Variants in DMD observed in about 807,000 individuals in gnomAD.
DMD encodes the protein dystrophin.
DMD carries 63 observed loss-of-function variants against 330.1 expected under a neutral mutation model. That is an observed-to-expected ratio of 0.19 (90% CI 0.16 to 0.24). The LOEUF is 0.24. Ranked by LOEUF, DMD falls within the 10% of genes least tolerant of loss-of-function variation. The pLI, the probability that DMD is intolerant of heterozygous loss-of-function variation, is 1.00. For synonymous variants in DMD, 1,223 were observed against 959.8 expected, an observed-to-expected ratio of 1.27 and a Z score of -5.07; for missense variants, 3,344 against 2,684.1, an observed-to-expected ratio of 1.25 and a Z score of -5.43.
chrX:31,194,394 G>A (rs867462798), intron 67 of DMD, among the ~76,000 whole-genome samples: 3 of 112,143 alleles, frequency 2.7e-5, no homozygotes, highest in African/African-American at 9.7e-5. Flanking sequence ...TGTGTGTAAC[G>A]ATAGCATTGC....
intron 7 of DMD, among the ~76,000 whole-genome samples, chrX:32,718,909 G>A (rs1569485048): frequency 8.9e-6 from 1 of 112,088 alleles, no homozygotes; most frequent in Non-Finnish European, 1.9e-5. Flanking sequence ...TGACTCAAGT[G>A]TAAATAGTTA....
intron 7 of DMD, among the ~76,000 whole-genome samples, chrX:32,783,629 A>G (rs997080400): frequency 9.0e-6 from 1 of 110,509 alleles, no homozygotes; most frequent in Non-Finnish European, 1.9e-5. Context: ...TTAAACACAA[A>G]GAATAAAATG....
At chrX:31,481,886 T>C (rs112017989) in intron 57 of DMD, among the ~76,000 whole-genome samples, 3,798 of 111,173 alleles carry the variant, frequency 0.034, 126 homozygotes, top group African/African-American at 0.089. Context: ...GGCTAGCTGG[T>C]TTCTGCAGAA....
intron 44 of DMD, among the ~76,000 whole-genome samples, chrX:32,130,937 C>A (rs764705622): frequency 4.5e-5 from 5 of 112,025 alleles, no homozygotes; most frequent in Admixed American, 9.4e-5. Flanking sequence ...GTAATCCCAG[C>A]ACTTTGGGAG....
chrX:32,794,729 C>G (rs1030535512), intron 7 of DMD, among the ~76,000 whole-genome samples: 4 of 112,303 alleles, frequency 3.6e-5, no homozygotes, highest in Non-Finnish European at 5.6e-5. Flanking sequence ...AAATCGTTGT[C>G]CAAGTACTGC....
At chrX:33,209,162 T>C (rs756674464) in intron 1 of DMD, among the ~76,000 whole-genome samples, 46 of 111,448 alleles carry the variant, frequency 4.1e-4, no homozygotes, top group Non-Finnish European at 7.6e-4. Context: ...CATAGAACAC[T>C]TTGTAGTCTT....
At chrX:31,927,863 A>T (rs1258964606) in intron 47 of DMD, among the ~76,000 whole-genome samples, 1 of 112,016 alleles carries the variant, frequency 8.9e-6, no homozygotes, top group Non-Finnish European at 1.9e-5. Flanking sequence ...TATCGTAAAG[A>T]TGTTGACTGA....
At chrX:32,887,201 G>C (rs993925201) in intron 2 of DMD, among the ~76,000 whole-genome samples, 1 of 108,567 alleles carries the variant, frequency 9.2e-6, no homozygotes, top group Non-Finnish European at 1.9e-5. Flanking sequence ...CAAAAAATTA[G>C]CCGGGCGTGC....
chrX:32,743,791 A>G (rs1925279299), intron 7 of DMD, among the ~76,000 whole-genome samples: 1 of 111,587 alleles, frequency 9.0e-6, no homozygotes, highest in African/African-American at 3.3e-5. Context: ...ATAAACTGCC[A>G]TAGCACCCAT....
chrX:31,977,917 A>G (rs899492510), intron 44 of DMD, among the ~76,000 whole-genome samples: 5 of 111,618 alleles, frequency 4.5e-5, no homozygotes, highest in African/African-American at 1.6e-4. Context: ...AAAGCAGACA[A>G]ATGACATAAG....
chrX:32,116,295 A>T (rs1288429572), intron 44 of DMD, among the ~76,000 whole-genome samples: 1 of 112,010 alleles, frequency 8.9e-6, no homozygotes, highest in Non-Finnish European at 1.9e-5. Context: ...CAATCTAAAC[A>T]AGTCCACCTT....
At chrX:33,010,219 CAT>C (rs1157534444) in intron 2 of DMD, among the ~76,000 whole-genome samples, 2 of 92,179 alleles carry the variant, frequency 2.2e-5, no homozygotes, top group Non-Finnish European at 4.1e-5. Flanking sequence ...TGTATATGTA[CAT>C]ATGTGTGTAT....
intron 55 of DMD, among the ~76,000 whole-genome samples, chrX:31,522,943 T>A (rs2147371956): frequency 9.0e-6 from 1 of 111,656 alleles, no homozygotes; most frequent in Non-Finnish European, 1.9e-5. Flanking sequence ...TCTGTGTTCT[T>A]TGTGTCATTC....
chrX:31,573,798 T>C (rs1381075094), intron 55 of DMD, among the ~76,000 whole-genome samples: 1 of 111,379 alleles, frequency 9.0e-6, no homozygotes, highest in Admixed American at 9.5e-5. Flanking sequence ...TAACCTATTT[T>C]GACTATGAGA....
At chrX:33,323,581 C>G (rs1252000074) in intron 1 of DMD, among the ~76,000 whole-genome samples, 1 of 111,445 alleles carries the variant, frequency 9.0e-6, no homozygotes, top group Non-Finnish European at 1.9e-5. Context: ...CTTTTCTTTG[C>G]TGGGCTTTCA....
intron 18 of DMD, among the ~76,000 whole-genome samples, chrX:32,504,439 C>A (rs1321027894): frequency 1.4e-4 from 16 of 110,462 alleles, no homozygotes; most frequent in Non-Finnish European, 2.8e-4. Context: ...GCCTGGCCAA[C>A]ATGGTGAAAC....
At chrX:31,388,895 C>T (rs1222120289) in intron 60 of DMD, among the ~76,000 whole-genome samples, 2 of 112,161 alleles carry the variant, frequency 1.8e-5, no homozygotes, top group African/African-American at 6.5e-5. Context: ...GAGTGAGACT[C>T]CGTCTCAAAA....
In DMD at chrX:32,705,612, G is replaced by C. The variant is rs144521085; in HGVS notation, c.650-6319C>G. The stretch of plus-strand genomic sequence containing the variant: ...GTGCATCGCCTGAGGTTAGGAATTT[G>C]ACACCAGCCTGGCCAACACGGTGAA... On this transcript the variant is annotated intron_variant, in intron 7 of 78. Coordinates refer to ENST00000357033, the MANE Select transcript of DMD (RefSeq NM_004006.3). Among the ~76,000 whole-genome samples the C allele has an allele frequency of 3.5e-3, 388 of 111,325 alleles. 3 individuals carry two copies. The highest frequency in any genetic ancestry group is 0.012 in the African/African-American group (358 of 30,632).
intron 20 of DMD, among the ~76,000 whole-genome samples, 180 bp from the exon 21 acceptor site, chrX:32,485,279 C>A (rs944840481): frequency 4.5e-5 from 5 of 111,440 alleles, no homozygotes; most frequent in Admixed American, 2.9e-4. Flanking sequence ...TTTAAGGATA[C>A]CTTGGCTCTT....
Sources: allele counts gnomAD v4.1 joint callset (sites outside exome capture counted in the v4.1 genomes callset), GRCh38; gene constraint gnomAD v4.1.1; transcripts MANE v1.5; gene names NCBI Gene and HGNC (gene_info 2026-07-23, HGNC 2026-07-21).